The following ADCYAP1 variants were observed in gnomAD, a reference collection of about 807,000 sequenced individuals.
ADCYAP1 encodes the protein adenylate cyclase activating polypeptide 1, also known as pituitary adenylate cyclase-activating polypeptide.
Under a neutral mutation model 18.5 loss-of-function variants are expected in ADCYAP1, and 6 were observed. The ratio of observed to expected loss-of-function variants is 0.32; its 90% CI spans 0.18 to 0.64. The LOEUF (loss-of-function observed/expected upper bound fraction) is 0.64. Among genes scored for constraint, ADCYAP1 ranks in the 30% least tolerant of loss-of-function variants. The pLI is 0.77. For synonymous variants in ADCYAP1, 136 were observed against 113.9 expected (o/e 1.19, Z -1.24); for missense variants, 314 against 253.6 (o/e 1.24, Z -1.62).
At chr18:904,614 C>A, upstream of ADCYAP1, 1 of 1,255,214 alleles carries the variant, frequency 8.0e-7, no homozygotes, top group Non-Finnish European at 1.0e-6. Context: ...GCCGCCGACC[C>A]TCGCGGCTGC....
Position 905,510 on chromosome 18 carries a change from G to A in ADCYAP1, c.110+14G>A, listed in dbSNP as rs1446302152. On this transcript the variant is annotated intron_variant, in intron 2 of 4. Coordinates refer to ENST00000450565, the MANE Select transcript of ADCYAP1 (RefSeq NM_001099733.2). The stretch of plus-strand genomic sequence containing the variant: ...CCCCGGGATCAGGTAGGTGCTGGCT[G>A]CCTGGCCCAAGCAGGAGCTGGGGCT... The A allele has an allele frequency of 1.2e-6, 2 of 1,603,628 alleles. No individual in the cohort carries two copies.
chr18:905,237 C>G, intron 1 of ADCYAP1, 149 bp from the exon 2 acceptor site: 3 of 1,469,236 alleles, frequency 2.0e-6, no homozygotes, highest in Non-Finnish European at 2.7e-6. Flanking sequence ...AGTGGCAGGG[C>G]GCGCACCGGC....
Position 908,289 on chromosome 18 carries a change from C to G in ADCYAP1, c.267C>G (p.Asn89Lys), listed in dbSNP as rs149799520. ...GRRDVAHGIL[N>K]EAYRKVLDQL... The stretch of plus-strand genomic sequence containing the variant: ...GAGATGTCGCCCACGGGATCCTTAA[C>G]GAGGCCTACCGCAAAGTGCTGGACC... The change falls in exon 4 of 5, where the codon AAC becomes AAG. Residue 89 changes from asparagine to lysine, a missense_variant. Coordinates refer to ENST00000450565, the MANE Select transcript of ADCYAP1 (RefSeq NM_001099733.2). 5 of 1,612,840 alleles carry G rather than the reference C, an allele frequency of 3.1e-6. No homozygotes were observed. Among genetic ancestry groups the G allele is most frequent in the East Asian group, 2.2e-5 (1 of 44,834 alleles).
At chr18:905,795 G>A (rs893876647) in intron 2 of ADCYAP1, 86 of 470,592 alleles carry the variant, frequency 1.8e-4, no homozygotes, top group Non-Finnish European at 2.7e-4. Flanking sequence ...CACAGGATGG[G>A]GGCAGGGCAC....
At chr18:908,850 G>T (rs1598985074) in intron 4 of ADCYAP1, among the ~76,000 whole-genome samples, 1 of 152,134 alleles carries the variant, frequency 6.6e-6, no homozygotes, top group Non-Finnish European at 1.5e-5. Flanking sequence ...TCGGCAGAAG[G>T]CAACATTCTA....
intron 3 of ADCYAP1, 104 bp downstream of exon 3, chr18:907,894 GT>G: frequency 7.4e-7 from 1 of 1,349,374 alleles, no homozygotes; most frequent in Non-Finnish European, 9.5e-7. Flanking sequence ...TTTTTTTCCC[GT>G]GAAAGTCCTC....
chr18:907,561 C>CG, intron 2 of ADCYAP1, 98 bp from the exon 3 acceptor site: 1 of 1,275,214 alleles, frequency 7.8e-7, no homozygotes, highest in Non-Finnish European at 1.1e-6. Context: ...GGACTTTTAT[C>CG]ACCTGTGAAA....
At chr18:907,854 GGC>G in intron 3 of ADCYAP1, 64 bp downstream of exon 3, 1 of 1,408,210 alleles carries the variant, frequency 7.1e-7, no homozygotes, top group Non-Finnish European at 9.1e-7. Flanking sequence ...TGACGGGAGG[GGC>G]AGTGTGGTGA....
rs1306906716 is a variant in ADCYAP1, at chr18:908,301, C to T, written c.279C>T (p.Arg93=). 1.2e-6 allele frequency: 2 copies of T among 1,613,028 alleles called. No individual in the cohort carries two copies. The highest frequency in any genetic ancestry group is 3.3e-5 in the Admixed American group (2 of 59,948). The change falls in exon 4 of 5, where the codon CGC becomes CGT. Residue 93 remains arginine, a synonymous_variant. Transcript: ENST00000450565. ...VAHGILNEAY[R]KVLDQLSAGK... is the part of the protein sequence containing the mutation. ...ACGGGATCCTTAACGAGGCCTACCGCAAAGTGCTGGACCAGCTGTCCGCCG... is the reference window on the plus strand; with the variant it reads ...ACGGGATCCTTAACGAGGCCTACCGTAAAGTGCTGGACCAGCTGTCCGCCG...
rs1017723592 is a variant in ADCYAP1 at position 907,697 on chromosome 18, T to A, written c.149T>A (p.Leu50Gln). 2 of 1,568,828 alleles carry A rather than the reference T, an allele frequency of 1.3e-6. No homozygotes were observed. The highest frequency in any genetic ancestry group is 3.6e-5 in the Admixed American group (2 of 55,520). ...EEAYGEDGNP[L>Q]PDFDGSEPPG... is the part of the protein sequence containing the mutation. ...GCGTACGGCGAGGACGGAAACCCGC[T>A]GCCAGACTTCGATGGCTCGGAGCCG... Residue 50 changes from leucine (L) to glutamine (Q), a missense_variant, in exon 3 of 5, where the codon CTG (leucine) becomes CAG (glutamine). Transcript: ENST00000450565.
chr18:909,738 T>G lies in ADCYAP1; in HGVS notation c.*103T>G. 1 of 1,011,666 alleles carries G rather than the reference T, an allele frequency of 9.9e-7. No homozygotes were observed. The highest frequency in any genetic ancestry group is 1.6e-5 in the African/African-American group (1 of 61,652). 62.7% of individuals were successfully genotyped at this position (1,011,666 alleles called of 1,614,324 possible). The stretch of plus-strand genomic sequence containing the variant: ...CGCTCGTGTGTTCTATCCAAACATG[T>G]ATTTATGTAATGAAGTAAAGCCATT... On this transcript the variant is annotated 3_prime_UTR_variant, in exon 5 of 5. Coordinates refer to ENST00000450565, the MANE Select transcript of ADCYAP1 (RefSeq NM_001099733.2).
At chr18:906,375 G>C (rs574138787) in intron 2 of ADCYAP1, 1 of 152,438 alleles carries the variant, frequency 6.6e-6, no homozygotes, top group African/African-American at 2.4e-5. Flanking sequence ...GCGGCGCCTG[G>C]GGCAGCGAGG....
Position 908,242 on chromosome 18 carries a change from C to T in ADCYAP1, c.243-23C>T, listed in dbSNP as rs755964964. 2.5e-6 allele frequency: 4 copies of T among 1,596,150 alleles called. No individual in the cohort carries two copies. In the South Asian group the frequency reaches 3.4e-5, roughly 13 times the overall value. ...TGGGGACAGAAACAGTGACCCTGGG[C>T]GCGCACTTTGCCTCCCCGTTAGAGA... is the stretch of plus-strand genomic sequence containing the variant. On this transcript the variant is annotated intron_variant, in intron 3 of 4. Transcript: ENST00000450565.
At position 905,812 on chromosome 18, in the gene ADCYAP1, T is replaced by C. The variant is rs1909149676; in HGVS notation, c.110+316T>C. 2.9e-5 allele frequency: 12 copies of C among 417,282 alleles called. No individual in the cohort carries two copies. In the South Asian group the frequency reaches 4.1e-4, roughly 14 times the overall value. The allele number at this position is 417,282 out of a possible 1,614,324, so 25.8% of individuals were successfully genotyped here. ...CAGGATGGGGGCAGGGCACGGCCCC[T>C]AGCTTGGTTTCTTTTACCTATTCTT... On this transcript the variant is annotated intron_variant, in intron 2 of 4. Coordinates refer to ENST00000450565, the MANE Select transcript of ADCYAP1 (RefSeq NM_001099733.2).
chr18:908,242 C>G lies in ADCYAP1; in HGVS notation c.243-23C>G, dbSNP rs755964964. 2.5e-6 allele frequency: 4 copies of G among 1,596,034 alleles called. No individual in the cohort carries two copies. In the African/African-American group the frequency reaches 4.0e-5, roughly 16 times the overall value. On this transcript the variant is annotated intron_variant, in intron 3 of 4. Transcript: ENST00000450565. Reference sequence around the variant, plus strand: ...TGGGGACAGAAACAGTGACCCTGGGCGCGCACTTTGCCTCCCCGTTAGAGA... The same window carrying G: ...TGGGGACAGAAACAGTGACCCTGGGGGCGCACTTTGCCTCCCCGTTAGAGA...
chr18:905,189 C>CAT lies in ADCYAP1; in HGVS notation c.-2+140_-2+141dup, dbSNP rs202111515. 8.8e-3 allele frequency: 12,552 copies of CAT among 1,419,484 alleles called. 664 individuals are homozygous for CAT. The African/African-American group carries it at 0.14, about 15-fold the overall frequency. The allele number at this position is 1,419,484 out of a possible 1,614,324, so 87.9% of individuals were successfully genotyped here. A position where few individuals can be genotyped will look rare whatever the true frequency, so the allele number is the denominator to read the frequency against. ...CTAGTTATTGGGCGCCGGGTAGATG[C>CAT]ATATATATATATTTTTTTCTAACTA... On this transcript the variant is annotated intron_variant, in intron 1 of 4. Transcript: ENST00000450565.
At chr18:908,201 G>C (rs901249310) in intron 3 of ADCYAP1, 64 bp from the exon 4 acceptor site, 16 of 1,450,406 alleles carry the variant, frequency 1.1e-5, no homozygotes, top group Non-Finnish European at 1.4e-5. Context: ...CAACAAGGGG[G>C]TCTCTAGCGG....
At chr18:907,287 C>A (rs1909203273) in intron 2 of ADCYAP1, among the ~76,000 whole-genome samples, 1 of 152,330 alleles carries the variant, frequency 6.6e-6, no homozygotes, top group South Asian at 2.1e-4. Context: ...GGGCCTTTCT[C>A]GTCCCCGCCC....
intron 2 of ADCYAP1, chr18:905,833 T>C: frequency 2.8e-6 from 1 of 351,728 alleles, no homozygotes; most frequent in Non-Finnish European, 5.2e-6. Flanking sequence ...CTTTTACCTA[T>C]TCTTGGGACG....
Sources: allele counts gnomAD v4.1 joint callset (sites outside exome capture counted in the v4.1 genomes callset), GRCh38; gene constraint gnomAD v4.1.1; transcripts MANE v1.5; gene names NCBI Gene and HGNC (gene_info 2026-07-23, HGNC 2026-07-21).